Variants in HAO1 observed in about 807,000 individuals in gnomAD.
The protein encoded by HAO1 is 2-Hydroxyacid oxidase 1.
Under a neutral mutation model 39.7 loss-of-function variants are expected in HAO1, and 34 were observed. That is an observed-to-expected ratio of 0.86 (90% CI 0.65 to 1.14). HAO1 has a LOEUF of 1.14. Among genes scored for constraint, HAO1 ranks in the 50% most tolerant of loss-of-function variants. HAO1 has a pLI of 0.00. For missense variants in HAO1, 479 were observed against 464.5 expected (o/e 1.03, Z -0.29); for synonymous variants, 172 against 173.2 (o/e 0.99, Z 0.05).
intron 4 of HAO1, among the ~76,000 whole-genome samples, chr20:7,903,383 G>A (rs2050229922): frequency 6.6e-6 from 1 of 150,606 alleles, no homozygotes; most frequent in Non-Finnish European, 1.5e-5. Context: ...TCTACTATGT[G>A]TAAAATGTCA....
chr20:7,885,646 T>G, intron 6 of HAO1, 56 bp from the exon 7 acceptor site: 1 of 1,565,480 alleles, frequency 6.4e-7, no homozygotes, highest in South Asian at 1.1e-5. Flanking sequence ...TGACTTGTTT[T>G]ATTCATTTGT....
At chr20:7,884,780 A>G (rs2050143423) in intron 7 of HAO1, among the ~76,000 whole-genome samples, 1 of 152,164 alleles carries the variant, frequency 6.6e-6, no homozygotes, top group Admixed American at 6.5e-5. Context: ...ATTTACTCTG[A>G]GTAAACCAAA....
intron 5 of HAO1, among the ~76,000 whole-genome samples, chr20:7,887,030 G>C (rs2050154359): frequency 6.6e-6 from 1 of 152,134 alleles, no homozygotes; most frequent in African/African-American, 2.4e-5. Context: ...ACCAAGCCTA[G>C]ATCAGTAGAC....
intron 4 of HAO1, among the ~76,000 whole-genome samples, chr20:7,905,250 A>C (rs752454872): frequency 6.7e-6 from 1 of 149,226 alleles, no homozygotes; most frequent in Non-Finnish European, 1.5e-5. Flanking sequence ...ACTGGGCTTA[A>C]TTTCTTTTAC....
rs1200581127 is a variant in HAO1, at chr20:7,914,399, C to T, written c.310G>A (p.Gly104Ser). The T allele has an allele frequency of 6.2e-7, 1 of 1,613,610 alleles. No individual in the cohort carries two copies. Among genetic ancestry groups the T allele is most frequent in the Admixed American group, 1.7e-5 (1 of 59,996 alleles). ...GTGGCCCAGGAACTCAACATCATGC[C>T]CGTTCCCAGGGACTGACAGGCTGAG... ...TVRACQSLGTGMMLSSWATSS... is the reference protein window; with the variant it reads ...TVRACQSLGTSMMLSSWATSS... The change falls in exon 3 of 8, where the codon GGC (glycine) becomes AGC (serine). Residue 104 changes from glycine to serine, a missense_variant. Physicochemically the swap from Gly to Ser is moderately conservative, Grantham distance 56 (BLOSUM62 0). Transcript: ENST00000378789.
chr20:7,928,996 C>A (rs1018391773), intron 2 of HAO1, among the ~76,000 whole-genome samples: 5 of 152,096 alleles, frequency 3.3e-5, no homozygotes, highest in African/African-American at 1.2e-4. Context: ...TGTGGCTGCC[C>A]CCTTCTGATG....
chr20:7,919,973 CA>C (rs576896883), intron 2 of HAO1, among the ~76,000 whole-genome samples: 205 of 152,174 alleles, frequency 1.3e-3, no homozygotes, highest in African/African-American at 4.5e-3. Flanking sequence ...ACATTGCAGA[CA>C]AATTTAGACA....
intron 1 of HAO1, 24 bp downstream of exon 1, chr20:7,940,262 A>G: frequency 6.4e-7 from 1 of 1,570,564 alleles, no homozygotes; most frequent in Non-Finnish European, 8.7e-7. Flanking sequence ...TTAAAACATG[A>G]TTTTAAAAAA....
At chr20:7,933,609 A>G (rs75133621) in intron 2 of HAO1, among the ~76,000 whole-genome samples, 1,984 of 152,316 alleles carry the variant, frequency 0.013, 37 homozygotes, top group African/African-American at 0.043. Context: ...TATGTCAGAC[A>G]TTTCAAGAAG....
intron 3 of HAO1, among the ~76,000 whole-genome samples, chr20:7,910,849 G>A (rs1439393265): frequency 6.6e-6 from 1 of 152,066 alleles, no homozygotes; most frequent in African/African-American, 2.4e-5. Context: ...CATTTAAGAG[G>A]CTACTGTGCC....
At chr20:7,903,567 G>A (rs2050231602) in intron 4 of HAO1, among the ~76,000 whole-genome samples, 1 of 151,158 alleles carries the variant, frequency 6.6e-6, no homozygotes, top group South Asian at 2.1e-4. Flanking sequence ...GGTAATGGTG[G>A]TGTTGATGGT....
chr20:7,888,229 C>T (rs1034888927), intron 5 of HAO1, among the ~76,000 whole-genome samples: 2 of 152,200 alleles, frequency 1.3e-5, no homozygotes, highest in South Asian at 4.2e-4. Context: ...GCACTAATGT[C>T]AGGCAGAGTA....
chr20:7,883,549 C>T lies in HAO1; in HGVS notation c.*44G>A, dbSNP rs1568507032. On this transcript the variant is annotated 3_prime_UTR_variant, in exon 8 of 8. Transcript: ENST00000378789. ...CACAGTGTCTCTTTGTCAAGTAATA[C>T]ATGCTGAAAAAAAATAATACAGATG... 1 of 1,415,734 alleles carries T rather than the reference C, an allele frequency of 7.1e-7. No homozygotes were observed. Among genetic ancestry groups the T allele is most frequent in the South Asian group, 1.1e-5 (1 of 87,170 alleles). The allele number at this position is 1,415,734 out of a possible 1,614,324, so 87.7% of individuals were successfully genotyped here. A position where few individuals can be genotyped will look rare whatever the true frequency, so the allele number is the denominator to read the frequency against.
chr20:7,914,216 C>G lies in HAO1; in HGVS notation c.493G>C (p.Gly165Arg). 1 of 1,614,026 alleles carries G rather than the reference C, an allele frequency of 6.2e-7. No individual in the cohort carries two copies. Among genetic ancestry groups the G allele is most frequent in the Non-Finnish European group, 8.5e-7 (1 of 1,179,978 alleles). Residue 165 changes from glycine (G) to arginine (R), a missense_variant, in exon 3 of 8, where the codon GGC becomes CGC. Gly to Arg is a moderately radical substitution (Grantham distance 125). Transcript: ENST00000378789. ...IFVTVDTPYLGNRLDDVRNRF... is the reference protein window; with the variant it reads ...IFVTVDTPYLRNRLDDVRNRF... ...TTACGCACATCATCCAGACGGTTGC[C>G]CAGGTAAGGTGTGTCCACTGTCACA... is the stretch of plus-strand genomic sequence containing the variant.
Position 7,885,589 on chromosome 20 carries a change from C to A in HAO1, c.974G>T (p.Gly325Val). 2 of 1,609,158 alleles carry A rather than the reference C, an allele frequency of 1.2e-6. No homozygotes were observed. Among genetic ancestry groups the A allele is most frequent in the South Asian group, 1.1e-5 (1 of 90,858 alleles). Residue 325 changes from glycine to valine, a missense_variant and splice_region_variant, in exon 7 of 8, where the codon GGG becomes GTG. Coordinates refer to ENST00000378789, the MANE Select transcript of HAO1 (RefSeq NM_017545.3). ...RPIVWGLAFQ[G>V]EKGVQDVLEI... ...GAGGACATCTTGAACACCTTTCTCC[C>A]CCTAACCAAGTGAAAAGATACAGAG...
At chr20:7,922,558 G>A (rs914564490) in intron 2 of HAO1, among the ~76,000 whole-genome samples, 1 of 152,092 alleles carries the variant, frequency 6.6e-6, no homozygotes, top group Non-Finnish European at 1.5e-5. Flanking sequence ...CATATATAGG[G>A]AGAGAATATC....
chr20:7,883,572 A>G lies in HAO1; in HGVS notation c.*21T>C, dbSNP rs1359239824. 1.3e-6 allele frequency: 2 copies of G among 1,583,612 alleles called. No homozygotes were observed. The highest frequency in any genetic ancestry group is 1.7e-6 in the Non-Finnish European group (2 of 1,152,308). On this transcript the variant is annotated 3_prime_UTR_variant, in exon 8 of 8. Transcript: ENST00000378789. The stretch of plus-strand genomic sequence containing the variant: ...TACATGCTGAAAAAAAATAATACAG[A>G]TGGGAAAATATTGTGCACTGTCAGA...
intron 2 of HAO1, among the ~76,000 whole-genome samples, chr20:7,924,207 T>C (rs1400879619): frequency 6.6e-6 from 1 of 151,308 alleles, no homozygotes; most frequent in African/African-American, 2.4e-5. Context: ...TTGTTGTTGT[T>C]GTTGTTGTTG....
intron 1 of HAO1, among the ~76,000 whole-genome samples, chr20:7,936,357 T>G (rs1055636989): frequency 6.6e-6 from 1 of 152,122 alleles, no homozygotes; most frequent in African/African-American, 2.4e-5. Flanking sequence ...TTACCAATCA[T>G]CTCTAAGTGT....
Sources: gnomAD v4.1 joint callset for allele counts (sites outside exome capture counted in the v4.1 genomes callset) on GRCh38, gnomAD v4.1.1 for gene constraint, MANE v1.5 for transcripts, NCBI Gene and HGNC (gene_info 2026-07-23, HGNC 2026-07-21) for gene names.